CACNB2: variants seen among roughly 807,000 people sequenced by gnomAD.
CACNB2 encodes voltage-dependent L-type calcium channel subunit beta-2.
In CACNB2, 42 loss-of-function variants were observed where a neutral mutation model predicts 73.3. The ratio of observed to expected loss-of-function variants is 0.57; its 90% confidence interval spans 0.45 to 0.74. The LOEUF (loss-of-function observed/expected upper bound fraction) is 0.74, where lower values mean the gene tolerates loss of function less well. Among genes scored for constraint, CACNB2 ranks in the 30% least tolerant of loss-of-function variants. CACNB2 has a pLI of 0.00. For missense variants in CACNB2, 940 were observed against 853.0 expected (o/e 1.10, Z -1.27); for synonymous variants, 348 against 310.3 (o/e 1.12, Z -1.28).
intron 2 of CACNB2, among the ~76,000 whole-genome samples, chr10:18,193,595 C>A (rs2034500111): frequency 6.6e-6 from 1 of 152,170 alleles, no homozygotes; most frequent in African/African-American, 2.4e-5. Flanking sequence ...CTCTCTTGGC[C>A]AGCATCTGAG....
chr10:18,228,451 A>AAAAAAAG lies in CACNB2; in HGVS notation c.213+77482_213+77483insGAAAAAA, dbSNP rs1554773840. On this transcript the variant is annotated intron_variant, in intron 2 of 13. Transcript: ENST00000324631. ...TCTACCTCAAAAAAAAAAAAAAAAG[A>AAAAAAAG]AAAAAAAAAAGAAAAGAAAAAACAT... Among the ~76,000 whole-genome samples the AAAAAAAG allele has an allele frequency of 2.9e-4, 28 of 95,508 alleles. No homozygotes were observed. In the East Asian group the frequency reaches 5.9e-3, roughly 20 times the overall value. 62.7% of individuals were successfully genotyped at this position (95,508 alleles called of 152,430 possible).
At chr10:18,473,809 A>T (rs900842774) in intron 3 of CACNB2, among the ~76,000 whole-genome samples, 1 of 152,222 alleles carries the variant, frequency 6.6e-6, no homozygotes, top group Non-Finnish European at 1.5e-5. Context: ...GAAAACTGCC[A>T]TCTAAAGTGA....
chr10:18,151,311 C>T (rs115786946), intron 2 of CACNB2: 2,580 of 231,132 alleles, frequency 0.011, 29 homozygotes, highest in African/African-American at 0.031. Context: ...AGCTGATGTG[C>T]ATCTGTATCC....
intron 2 of CACNB2, among the ~76,000 whole-genome samples, chr10:18,243,904 T>A (rs1300319804): frequency 1.3e-5 from 2 of 152,140 alleles, no homozygotes; most frequent in Non-Finnish European, 2.9e-5. Flanking sequence ...CCATGGCAAA[T>A]GGACTAAGAC....
chr10:18,452,038 A>G (rs149134044), intron 3 of CACNB2, among the ~76,000 whole-genome samples: 18 of 152,312 alleles, frequency 1.2e-4, no homozygotes, highest in Admixed American at 8.5e-4. Context: ...GTCTCTTCTC[A>G]ATGCCCTAAT....
rs2030276243 is a variant in CACNB2 at position 18,140,603 on chromosome 10, C to A, written c.-134C>A. 4 of 640,238 alleles carry A rather than the reference C, an allele frequency of 6.2e-6. No individual in the cohort carries two copies. The highest frequency in any genetic ancestry group is 9.9e-6 in the Non-Finnish European group (4 of 405,296). 39.7% of individuals were successfully genotyped at this position (640,238 alleles called of 1,614,324 possible). ...CGCCGAGTCCCGGGGCGCTGCGGGG[C>A]GCTGCGCCGAGAACGGCCGGGCCTG... is the stretch of plus-strand genomic sequence containing the variant. On this transcript the variant is annotated 5_prime_UTR_variant, in exon 1 of 14. Coordinates refer to ENST00000324631, the MANE Select transcript of CACNB2 (RefSeq NM_201596.3).
At position 18,500,945 on chromosome 10, in the gene CACNB2, C is replaced by T. The variant is rs150528041; in HGVS notation, c.590C>T (p.Ser197Phe). The change falls in exon 5 of 14, where the codon TCC becomes TTC. Residue 197 changes from serine to phenylalanine, a missense_variant. Transcript: ENST00000324631. ...AGAGCCAAGCAAGGGAAATTCTACT[C>T]CAGGTATGAGACAGATGTCAAGTGT... Reference protein sequence around the residue: ...EQRAKQGKFYSSKSGGNSSSS... With the variant: ...EQRAKQGKFYFSKSGGNSSSS... The T allele has an allele frequency of 1.0e-3, 1,675 of 1,613,852 alleles. 1 individual carries two copies. The highest frequency in any genetic ancestry group is 1.4e-3 in the Non-Finnish European group (1,606 of 1,179,844).
chr10:18,492,639 G>GA (rs1183474966), intron 3 of CACNB2, among the ~76,000 whole-genome samples: 1 of 99,164 alleles, frequency 1.0e-5, no homozygotes, highest in Non-Finnish European at 1.9e-5. Context: ...AAAAAAAAAA[G>GA]AAAAAAAGAA....
intron 3 of CACNB2, among the ~76,000 whole-genome samples, chr10:18,440,182 A>G (rs1433644126): frequency 6.6e-6 from 1 of 152,114 alleles, no homozygotes; most frequent in Non-Finnish European, 1.5e-5. Context: ...AGGCTCCTTC[A>G]ATCCCTTTTA....
chr10:18,429,457 A>G (rs1589325763), intron 3 of CACNB2, among the ~76,000 whole-genome samples: 3 of 152,312 alleles, frequency 2.0e-5, no homozygotes, highest in South Asian at 4.1e-4. Flanking sequence ...ACCCTCAACC[A>G]TTAGCTCTTA....
intron 2 of CACNB2, among the ~76,000 whole-genome samples, chr10:18,351,141 CTTTCT>C (rs1589114131): frequency 1.8e-5 from 2 of 112,924 alleles, no homozygotes; most frequent in African/African-American, 3.2e-5. Context: ...CATGTACACC[CTTTCT>C]TTTCTTTTTT....
chr10:18,218,094 C>T (rs1278176157), intron 2 of CACNB2, among the ~76,000 whole-genome samples: 2 of 152,180 alleles, frequency 1.3e-5, no homozygotes, highest in East Asian at 3.9e-4. Context: ...ATGGTGCACA[C>T]TGCTGTTGTG....
chr10:18,244,803 A>T lies in CACNB2; in HGVS notation c.213+93828A>T, dbSNP rs544383028. Reference sequence around the variant, plus strand: ...TTATGTGGCAAATAAAATTTTGCAGATGTGATTAAGTTAAAGATCTTGAGC... The same window carrying T: ...TTATGTGGCAAATAAAATTTTGCAGTTGTGATTAAGTTAAAGATCTTGAGC... On this transcript the variant is annotated intron_variant, in intron 2 of 13. Transcript: ENST00000324631. Among the ~76,000 whole-genome samples the T allele has an allele frequency of 3.3e-5, 5 of 152,356 alleles. No individual in the cohort carries two copies. In the East Asian group the frequency reaches 7.7e-4, roughly 24 times the overall value.
At chr10:18,152,709 C>CAAAAAAAAAAAAAAAAAAAAAAAAAAA (rs772732675) in intron 2 of CACNB2, among the ~76,000 whole-genome samples, 1 of 49,364 alleles carries the variant, frequency 2.0e-5, no homozygotes. Flanking sequence ...TGAAACAGAC[C>CAAAAAAAAAAAAAAAAAAAAAAAAAAA]AAAAAAAAAA....
chr10:18,448,141 G>A (rs574901068), intron 3 of CACNB2, among the ~76,000 whole-genome samples: 8 of 152,196 alleles, frequency 5.3e-5, no homozygotes, highest in African/African-American at 1.9e-4. Context: ...ATAGGGGTGA[G>A]CCACTGTACC....
chr10:18,375,484 A>C (rs904035647), intron 2 of CACNB2, among the ~76,000 whole-genome samples: 1 of 152,178 alleles, frequency 6.6e-6, no homozygotes, highest in Non-Finnish European at 1.5e-5. Context: ...TTAAACTAGA[A>C]AAAGTAGCTT....
intron 2 of CACNB2, among the ~76,000 whole-genome samples, chr10:18,297,804 G>A (rs2039338585): frequency 6.6e-6 from 1 of 152,046 alleles, no homozygotes; most frequent in Non-Finnish European, 1.5e-5. Context: ...GTGGAGGGAG[G>A]GATTAAAGTG....
chr10:18,283,352 G>A (rs117352681), intron 2 of CACNB2, among the ~76,000 whole-genome samples: 3 of 152,006 alleles, frequency 2.0e-5, no homozygotes, highest in East Asian at 1.9e-4. Flanking sequence ...GTCATGCTGC[G>A]ATAAAGACAC....
chr10:18,353,140 G>C (rs2041777511), intron 2 of CACNB2, among the ~76,000 whole-genome samples: 1 of 152,100 alleles, frequency 6.6e-6, no homozygotes, highest in Non-Finnish European at 1.5e-5. Flanking sequence ...TGCCAGGTGC[G>C]GTGGCTCATG....
Sources: allele counts gnomAD v4.1 joint callset (sites outside exome capture counted in the v4.1 genomes callset), GRCh38; gene constraint gnomAD v4.1.1; transcripts MANE v1.5; gene names NCBI Gene and HGNC (gene_info 2026-07-23, HGNC 2026-07-21).